The following RBFOX1 variants were observed in gnomAD, a reference collection of about 807,000 sequenced individuals.
RBFOX1 encodes RNA binding fox-1 homolog 1, also known as RNA binding protein fox-1 homolog 1.
A neutral mutation model predicts 57.7 loss-of-function variants in RBFOX1; 8 were observed. That is an observed-to-expected ratio of 0.14 (90% CI 0.08 to 0.25). RBFOX1 has a LOEUF of 0.25. Ranked by LOEUF, RBFOX1 falls within the 10% of genes least tolerant of loss-of-function variation. The pLI is 1.00. For synonymous variants in RBFOX1, 326 were observed against 222.4 expected (o/e 1.47, Z -4.15); for missense variants, 611 against 548.5 (o/e 1.11, Z -1.14).
intron 3 of RBFOX1, among the ~76,000 whole-genome samples, chr16:6,694,267 G>T (rs117991748): frequency 0.015 from 2,266 of 152,266 alleles, 33 homozygotes; most frequent in Middle Eastern, 0.027. Flanking sequence ...TAGAGAGGAG[G>T]TTGGTGTGTG....
intron 4 of RBFOX1, among the ~76,000 whole-genome samples, chr16:7,173,514 C>T (rs980651093): frequency 2.0e-5 from 3 of 151,918 alleles, no homozygotes; most frequent in Non-Finnish European, 4.4e-5. Context: ...TCTCAGAAGT[C>T]ATTTTGTCTC....
At chr16:6,635,669 C>G (rs2098425536) in intron 2 of RBFOX1, among the ~76,000 whole-genome samples, 2 of 152,090 alleles carry the variant, frequency 1.3e-5, no homozygotes, top group Non-Finnish European at 2.9e-5. Flanking sequence ...TTCAGTAAAT[C>G]CAATGAGTCT....
chr16:6,129,589 A>G (rs1182408407), intron 1 of RBFOX1, among the ~76,000 whole-genome samples: 2 of 152,060 alleles, frequency 1.3e-5, no homozygotes, highest in Non-Finnish European at 2.9e-5. Context: ...GGAGAGAGAG[A>G]ATAGGATAGA....
intron 1 of RBFOX1, among the ~76,000 whole-genome samples, chr16:5,323,362 A>G (rs1322859973): frequency 6.6e-6 from 1 of 152,124 alleles, no homozygotes; most frequent in African/African-American, 2.4e-5. Flanking sequence ...TGATGACCCA[A>G]CGAATTGATT....
intron 4 of RBFOX1, among the ~76,000 whole-genome samples, chr16:7,244,647 C>T (rs1237189129): frequency 6.6e-6 from 1 of 152,196 alleles, no homozygotes; most frequent in Non-Finnish European, 1.5e-5. Flanking sequence ...AATGTTGCTG[C>T]TTAAGCCTGT....
chr16:7,271,495 A>G (rs1177974545), intron 4 of RBFOX1, among the ~76,000 whole-genome samples: 2 of 151,616 alleles, frequency 1.3e-5, no homozygotes, highest in East Asian at 3.9e-4. Context: ...CACTTGGTTG[A>G]TCTTGTATTA....
intron 3 of RBFOX1, among the ~76,000 whole-genome samples, chr16:6,930,963 C>G (rs962867652): frequency 2.6e-5 from 4 of 152,118 alleles, no homozygotes. Flanking sequence ...TCCCACCCCC[C>G]TACACACATA....
chr16:7,672,905 T>C (rs1465661907), intron 13 of RBFOX1, among the ~76,000 whole-genome samples: 1 of 120,100 alleles, frequency 8.3e-6, no homozygotes, highest in Non-Finnish European at 1.7e-5. Context: ...ATAGATAAAT[T>C]AGGGAGATAA....
At chr16:6,949,579 CT>C (rs34231410) in intron 3 of RBFOX1, among the ~76,000 whole-genome samples, 92,539 of 151,590 alleles carry the variant, frequency 0.61, 28,417 homozygotes, top group Middle Eastern at 0.66. Flanking sequence ...CTCACTTGGC[CT>C]TTTTTTTTGT....
intron 1 of RBFOX1, among the ~76,000 whole-genome samples, chr16:6,057,260 G>C (rs1002935758): frequency 2.0e-5 from 3 of 151,792 alleles, no homozygotes; most frequent in Admixed American, 6.6e-5. Flanking sequence ...TCATTCATTG[G>C]CTTTATGTTG....
In RBFOX1 at chr16:7,160,995, T is replaced by C. The variant is rs549550544; in HGVS notation, c.27+108897T>C. Among the ~76,000 whole-genome samples, 5 of 152,340 alleles carry C rather than the reference T, an allele frequency of 3.3e-5. No homozygotes were observed. The East Asian group carries it at 9.6e-4, about 29-fold the overall frequency. ...TGGTTAGGAAAAAGAAGCTAACCCT[T>C]TATTTTCTCTTTAGATGTGTTGGTC... On this transcript the variant is annotated intron_variant, in intron 4 of 15. Coordinates refer to ENST00000550418, the MANE Select transcript of RBFOX1 (RefSeq NM_018723.4).
At chr16:7,535,411 G>A (rs1049770222) in intron 5 of RBFOX1, among the ~76,000 whole-genome samples, 6 of 152,124 alleles carry the variant, frequency 3.9e-5, no homozygotes, top group Non-Finnish European at 7.3e-5. Flanking sequence ...CAGACATCTC[G>A]CTGGACATTG....
At chr16:6,561,987 A>G (rs1327310416) in intron 2 of RBFOX1, among the ~76,000 whole-genome samples, 1 of 152,240 alleles carries the variant, frequency 6.6e-6, no homozygotes, top group Non-Finnish European at 1.5e-5. Context: ...TTATACAGGA[A>G]CAAACTGTGT....
chr16:7,446,859 C>G (rs1056839740), intron 4 of RBFOX1, among the ~76,000 whole-genome samples: 7 of 118,872 alleles, frequency 5.9e-5, no homozygotes, highest in African/African-American at 2.2e-4. Context: ...GTCACCCAGG[C>G]TGCAGTGCAG....
chr16:7,309,612 G>A (rs914101273), intron 4 of RBFOX1, among the ~76,000 whole-genome samples: 2 of 152,188 alleles, frequency 1.3e-5, no homozygotes, highest in African/African-American at 4.8e-5. Flanking sequence ...GATGGACTGA[G>A]GGTAGACAGT....
chr16:6,737,111 T>C (rs1338753983), intron 3 of RBFOX1, among the ~76,000 whole-genome samples: 1 of 152,206 alleles, frequency 6.6e-6, no homozygotes, highest in Non-Finnish European at 1.5e-5. Context: ...AGATAGTCCC[T>C]GCCTTCATTG....
At chr16:7,489,117 T>C (rs906336713) in intron 4 of RBFOX1, among the ~76,000 whole-genome samples, 5 of 152,228 alleles carry the variant, frequency 3.3e-5, no homozygotes, top group Non-Finnish European at 1.5e-5. Flanking sequence ...TTTCTCATTC[T>C]GTCCAAATCT....
At chr16:5,664,450 A>G (rs1478796625) in intron 3 of RBFOX1, among the ~76,000 whole-genome samples, 1 of 152,124 alleles carries the variant, frequency 6.6e-6, no homozygotes, top group Non-Finnish European at 1.5e-5. Flanking sequence ...CGGGAGGCTG[A>G]GGCAGACAAT....
intron 6 of RBFOX1, among the ~76,000 whole-genome samples, chr16:7,585,907 T>C (rs1047134261): frequency 6.6e-6 from 1 of 152,146 alleles, no homozygotes; most frequent in Non-Finnish European, 1.5e-5. Context: ...GTTCCTTTTT[T>C]ATCCTGCCCC....
Sources: allele counts gnomAD v4.1 joint callset (sites outside exome capture counted in the v4.1 genomes callset), GRCh38; gene constraint gnomAD v4.1.1; transcripts MANE v1.5; gene names NCBI Gene and HGNC (gene_info 2026-07-23, HGNC 2026-07-21).